ADAMTS3: variants seen among roughly 807,000 people sequenced by gnomAD.
ADAMTS3 encodes the protein ADAM metallopeptidase with thrombospondin type 1 motif 3, also known as A disintegrin and metalloproteinase with thrombospondin motifs 3.
In ADAMTS3, 73 loss-of-function variants were observed where a neutral mutation model predicts 129.0. The ratio of observed to expected loss-of-function variants is 0.57; its 90% confidence interval spans 0.47 to 0.69. The LOEUF is 0.69. Ranked by LOEUF, ADAMTS3 falls within the 30% of genes least tolerant of loss-of-function variation. ADAMTS3 has a pLI of 0.00. For missense variants in ADAMTS3, 1,457 were observed against 1,514.5 expected, an observed-to-expected ratio of 0.96 and a Z score of 0.63; for synonymous variants, 477 against 510.8, an observed-to-expected ratio of 0.93 and a Z score of 0.89.
At position 72,315,983 on chromosome 4, in the gene ADAMTS3, A is replaced by T. The variant is rs771054153; in HGVS notation, c.1486-12T>A. 1 of 1,551,796 alleles carries T rather than the reference A, an allele frequency of 6.4e-7. No individual in the cohort carries two copies. Among genetic ancestry groups the T allele is most frequent in the South Asian group, 1.1e-5 (1 of 87,566 alleles). ...TCAAAGGTTCGGAACTGGAAGATAG[A>T]TAATCAAATTGTCAGTGAACTCTCA... On this transcript the variant is annotated splice_polypyrimidine_tract_variant and intron_variant, in intron 10 of 21. Coordinates refer to ENST00000286657, the MANE Select transcript of ADAMTS3 (RefSeq NM_014243.3).
chr4:72,339,838 A>G, intron 4 of ADAMTS3, 145 bp from the exon 5 acceptor site: 1 of 664,134 alleles, frequency 1.5e-6, no homozygotes, highest in Non-Finnish European at 2.6e-6. Flanking sequence ...TCCTTAAATA[A>G]TACGCATATG....
chr4:72,455,048 C>A (rs1718506129), intron 3 of ADAMTS3, among the ~76,000 whole-genome samples: 1 of 151,560 alleles, frequency 6.6e-6, no homozygotes, highest in African/African-American at 2.4e-5. Context: ...GCACTACAAA[C>A]AAATGATGAT....
At chr4:72,318,805 A>C in intron 9 of ADAMTS3, 101 bp from the exon 10 acceptor site, 4 of 1,221,482 alleles carry the variant, frequency 3.3e-6, no homozygotes, top group Non-Finnish European at 4.5e-6. Context: ...TTAGAATTTC[A>C]TCCCAGATCA....
chr4:72,402,682 A>T (rs1317049679), intron 4 of ADAMTS3, among the ~76,000 whole-genome samples: 1 of 152,144 alleles, frequency 6.6e-6, no homozygotes, highest in Non-Finnish European at 1.5e-5. Flanking sequence ...TATTATAAAG[A>T]CCCAGAATGA....
chr4:72,517,213 T>C (rs550318840), intron 3 of ADAMTS3, among the ~76,000 whole-genome samples: 2 of 152,302 alleles, frequency 1.3e-5, no homozygotes, highest in Admixed American at 1.3e-4. Context: ...ATAAGCTTTT[T>C]GATGTGCTGC....
intron 4 of ADAMTS3, among the ~76,000 whole-genome samples, chr4:72,379,019 G>C (rs1483374479): frequency 6.6e-6 from 1 of 152,126 alleles, no homozygotes; most frequent in Non-Finnish European, 1.5e-5. Flanking sequence ...ATGAGGTCCT[G>C]AACAGTTCCC....
At chr4:72,514,590 C>T (rs534703603) in intron 3 of ADAMTS3, among the ~76,000 whole-genome samples, 2 of 152,226 alleles carry the variant, frequency 1.3e-5, no homozygotes, top group South Asian at 4.2e-4. Context: ...TTGCCACGTA[C>T]CTGCCTATTC....
intron 3 of ADAMTS3, among the ~76,000 whole-genome samples, chr4:72,421,257 G>A (rs1722437698): frequency 6.6e-6 from 1 of 152,168 alleles, no homozygotes; most frequent in South Asian, 2.1e-4. Context: ...ATATCAATTA[G>A]CATCGCTTTC....
chr4:72,339,846 A>G (rs1720089843), intron 4 of ADAMTS3, among the ~76,000 whole-genome samples, 153 bp from the exon 5 acceptor site: 1 of 152,206 alleles, frequency 6.6e-6, no homozygotes, highest in African/African-American at 2.4e-5. Context: ...TAATACGCAT[A>G]TGCATACGAT....
At chr4:72,479,131 T>G (rs1201327340) in intron 3 of ADAMTS3, among the ~76,000 whole-genome samples, 1 of 152,134 alleles carries the variant, frequency 6.6e-6, no homozygotes, top group Non-Finnish European at 1.5e-5. Flanking sequence ...GGGTAATTTA[T>G]AGATTCAATG....
At chr4:72,409,584 A>G (rs1395850466) in intron 4 of ADAMTS3, among the ~76,000 whole-genome samples, 1 of 152,152 alleles carries the variant, frequency 6.6e-6, no homozygotes. Context: ...ATAGAGTTAC[A>G]TTTGTAACAC....
At chr4:72,511,330 C>G (rs565029135) in intron 3 of ADAMTS3, among the ~76,000 whole-genome samples, 1 of 152,004 alleles carries the variant, frequency 6.6e-6, no homozygotes, top group Non-Finnish European at 1.5e-5. Flanking sequence ...AGATGACTCA[C>G]AGAATGGGAG....
At chr4:72,480,295 C>A (rs1464189094) in intron 3 of ADAMTS3, among the ~76,000 whole-genome samples, 1 of 152,142 alleles carries the variant, frequency 6.6e-6, no homozygotes, top group Non-Finnish European at 1.5e-5. Flanking sequence ...GGAACCAACC[C>A]AAACGTCCAA....
At chr4:72,480,356 T>C (rs1318815863) in intron 3 of ADAMTS3, among the ~76,000 whole-genome samples, 1 of 152,194 alleles carries the variant, frequency 6.6e-6, no homozygotes, top group South Asian at 2.1e-4. Context: ...CATGGAATAC[T>C]ATGCAGCCAT....
chr4:72,525,137 A>G (rs754541263), intron 3 of ADAMTS3, among the ~76,000 whole-genome samples: 11 of 152,202 alleles, frequency 7.2e-5, no homozygotes, highest in Non-Finnish European at 1.5e-4. Context: ...TTCACCTGTT[A>G]GGTGCACTCA....
intron 2 of ADAMTS3, among the ~76,000 whole-genome samples, chr4:72,557,614 TAAATTCTTCTAGTTTTTAA>T (rs1247173067): frequency 6.6e-6 from 1 of 151,886 alleles, no homozygotes; most frequent in East Asian, 1.9e-4. Context: ...GTTGTGTACT[TAAATTCTTCTAGTTTTTAA>T]AAATCTGGCT....
At chr4:72,481,360 A>G (rs936579976) in intron 3 of ADAMTS3, among the ~76,000 whole-genome samples, 4 of 152,210 alleles carry the variant, frequency 2.6e-5, no homozygotes, top group African/African-American at 7.2e-5. Flanking sequence ...ACATAGCCCA[A>G]TGGAACAAAG....
intron 4 of ADAMTS3, among the ~76,000 whole-genome samples, chr4:72,383,049 T>A (rs1350049506): frequency 2.0e-5 from 3 of 151,970 alleles, no homozygotes; most frequent in African/African-American, 7.3e-5. Flanking sequence ...AAATAAAAAA[T>A]TTAAAAAGAA....
intron 2 of ADAMTS3, among the ~76,000 whole-genome samples, chr4:72,561,952 G>A (rs1721914266): frequency 6.6e-6 from 1 of 152,178 alleles, no homozygotes; most frequent in Admixed American, 6.5e-5. Flanking sequence ...TGGAAAATCA[G>A]GAGGTATAAA....
Sources: gnomAD v4.1 joint callset for allele counts (sites outside exome capture counted in the v4.1 genomes callset) on GRCh38, gnomAD v4.1.1 for gene constraint, MANE v1.5 for transcripts, NCBI Gene and HGNC (gene_info 2026-07-23, HGNC 2026-07-21) for gene names.